The following SSBP3 variants were observed in gnomAD, a reference collection of about 807,000 sequenced individuals.
SSBP3 encodes the protein single stranded DNA binding protein 3, also known as single-stranded DNA-binding protein 3.
Under a neutral mutation model 69.6 loss-of-function variants are expected in SSBP3, and 5 were observed. The ratio of observed to expected loss-of-function variants is 0.07; its 90% CI spans 0.04 to 0.15. SSBP3 has a LOEUF of 0.15. Ranked by LOEUF, SSBP3 falls within the 10% of genes least tolerant of loss-of-function variation. The probability of loss-of-function intolerance (pLI) is 1.00; values close to 1 mark genes in which losing one functional copy is unlikely to be tolerated. For missense variants in SSBP3, 312 were observed against 534.0 expected, an observed-to-expected ratio of 0.58 and a Z score of 4.10; for synonymous variants, 196 against 193.4, an observed-to-expected ratio of 1.01 and a Z score of -0.11.
intron 4 of SSBP3, among the ~76,000 whole-genome samples, chr1:54,374,608 G>T (rs1647186640): frequency 6.6e-6 from 1 of 152,164 alleles, no homozygotes; most frequent in South Asian, 2.1e-4. Flanking sequence ...AGGTGAAGAA[G>T]CAAGTCAATC....
chr1:54,344,337 A>G (rs770086832), intron 4 of SSBP3, among the ~76,000 whole-genome samples: 36 of 152,248 alleles, frequency 2.4e-4, no homozygotes, highest in Non-Finnish European at 4.6e-4. Context: ...ATCTACTTAC[A>G]AAGACAGCTA....
intron 4 of SSBP3, among the ~76,000 whole-genome samples, chr1:54,329,252 T>C (rs1362617994): frequency 5.5e-4 from 84 of 152,082 alleles, no homozygotes; most frequent in Admixed American, 5.5e-3. Context: ...ATATACTTTT[T>C]TTAAAGGGCT....
intron 4 of SSBP3, among the ~76,000 whole-genome samples, chr1:54,358,733 G>A (rs554307810): frequency 1.7e-4 from 26 of 152,306 alleles, no homozygotes; most frequent in African/African-American, 6.3e-4. Flanking sequence ...CAAGTGGGGA[G>A]GGCATCCCAG....
At chr1:54,225,544 G>T in exon 18 of SSBP3, 2 of 732,730 alleles carry the variant, frequency 2.7e-6, no homozygotes, top group Non-Finnish European at 1.8e-6. Context: ...AGACTACAAG[G>T]TAAGAAAAAA....
chr1:54,284,982 G>A (rs973917375), intron 4 of SSBP3, among the ~76,000 whole-genome samples: 1 of 152,094 alleles, frequency 6.6e-6, no homozygotes, highest in Non-Finnish European at 1.5e-5. Flanking sequence ...AATGTGGGGT[G>A]GAAGATGGAG....
At chr1:54,293,935 G>C (rs1422939951) in intron 4 of SSBP3, among the ~76,000 whole-genome samples, 4 of 151,978 alleles carry the variant, frequency 2.6e-5, no homozygotes, top group Non-Finnish European at 5.9e-5. Context: ...TCAGGAGTTT[G>C]AGACCACCCT....
intron 14 of SSBP3, chr1:54,238,308 C>T: frequency 2.1e-6 from 1 of 471,106 alleles, no homozygotes; most frequent in South Asian, 1.5e-5. Flanking sequence ...AAGCCTCGCA[C>T]TTTAGGGCCC....
At chr1:54,313,216 G>C (rs536793971) in intron 4 of SSBP3, among the ~76,000 whole-genome samples, 16 of 152,076 alleles carry the variant, frequency 1.1e-4, no homozygotes, top group Admixed American at 9.8e-4. Flanking sequence ...GGGACCAATC[G>C]GGGTAATCAA....
intron 4 of SSBP3, among the ~76,000 whole-genome samples, chr1:54,343,367 T>C (rs1286680452): frequency 6.6e-6 from 1 of 152,224 alleles, no homozygotes; most frequent in East Asian, 1.9e-4. Flanking sequence ...TGGTAGTACC[T>C]TCCCCTCATG....
intron 5 of SSBP3, among the ~76,000 whole-genome samples, chr1:54,270,607 G>T (rs2100816071): frequency 6.6e-6 from 1 of 152,272 alleles, no homozygotes; most frequent in South Asian, 2.1e-4. Flanking sequence ...ATGCCCCTAA[G>T]ACTCCCTCCT....
At chr1:54,259,749 A>G (rs1374804979) in intron 5 of SSBP3, among the ~76,000 whole-genome samples, 1 of 152,152 alleles carries the variant, frequency 6.6e-6, no homozygotes, top group Admixed American at 6.5e-5. Context: ...GCTGTACAAG[A>G]ACCCGAGGGC....
chr1:54,355,541 G>A (rs1646849303), intron 4 of SSBP3, among the ~76,000 whole-genome samples: 1 of 152,092 alleles, frequency 6.6e-6, no homozygotes, highest in African/African-American at 2.4e-5. Flanking sequence ...TAGAAACAGG[G>A]TTTCACCATG....
At chr1:54,305,340 G>A (rs1407437696) in intron 4 of SSBP3, among the ~76,000 whole-genome samples, 5 of 151,346 alleles carry the variant, frequency 3.3e-5, no homozygotes, top group Non-Finnish European at 5.9e-5. Flanking sequence ...CTAGCACACC[G>A]GCCAGCACAT....
intron 14 of SSBP3, chr1:54,238,890 G>T (rs2274663): frequency 5.0e-6 from 2 of 400,762 alleles, no homozygotes; most frequent in Non-Finnish European, 9.7e-6. Flanking sequence ...GCAGCACAGC[G>T]GGCACCCTGG....
intron 14 of SSBP3, among the ~76,000 whole-genome samples, chr1:54,233,333 G>A (rs1183379984): frequency 6.6e-6 from 1 of 150,740 alleles, no homozygotes; most frequent in Non-Finnish European, 1.5e-5. Flanking sequence ...GAGGTGAGGA[G>A]CGTCTCTGCC....
chr1:54,348,741 T>TC (rs932786238), intron 4 of SSBP3, among the ~76,000 whole-genome samples: 2 of 152,090 alleles, frequency 1.3e-5, no homozygotes, highest in African/African-American at 4.8e-5. Flanking sequence ...CCCACTCACT[T>TC]CCCCACCATA....
At chr1:54,253,161 G>T (rs113523410) in intron 7 of SSBP3, among the ~76,000 whole-genome samples, 3 of 148,938 alleles carry the variant, frequency 2.0e-5, no homozygotes, top group African/African-American at 7.5e-5. Context: ...AAGTAGAATT[G>T]GTATTTGTTT....
At chr1:54,270,954 A>T (rs1645181623) in intron 5 of SSBP3, among the ~76,000 whole-genome samples, 1 of 152,168 alleles carries the variant, frequency 6.6e-6, no homozygotes, top group Admixed American at 6.5e-5. Context: ...AAGGTGAAGG[A>T]GGGATGGGAC....
chr1:54,300,682 T>C (rs1165880558), intron 4 of SSBP3, among the ~76,000 whole-genome samples: 1 of 152,220 alleles, frequency 6.6e-6, no homozygotes, highest in Non-Finnish European at 1.5e-5. Flanking sequence ...TGTGAAATTT[T>C]GATTCTCAAG....
Sources: allele counts gnomAD v4.1 joint callset (sites outside exome capture counted in the v4.1 genomes callset), GRCh38; gene constraint gnomAD v4.1.1; transcripts MANE v1.5; gene names NCBI Gene and HGNC (gene_info 2026-07-23, HGNC 2026-07-21).